Variants in STIM2 observed in about 807,000 individuals in gnomAD.
The protein encoded by STIM2 is stromal interaction molecule 2.
STIM2 carries 31 observed loss-of-function variants against 85.8 expected under a neutral mutation model. The ratio of observed to expected loss-of-function variants is 0.36; its 90% CI spans 0.27 to 0.49. STIM2 has a LOEUF of 0.49. Among genes scored for constraint, STIM2 ranks in the 20% least tolerant of loss-of-function variants. The pLI, the probability that STIM2 is intolerant of heterozygous loss-of-function variation, is 0.98. For synonymous variants in STIM2, 356 were observed against 331.1 expected, an observed-to-expected ratio of 1.08 and a Z score of -0.82; for missense variants, 841 against 927.6, an observed-to-expected ratio of 0.91 and a Z score of 1.21.
chr4:26,971,318 C>T (rs7678796), intron 3 of STIM2, among the ~76,000 whole-genome samples: 3,701 of 152,204 alleles, frequency 0.024, 140 homozygotes, highest in African/African-American at 0.078. Context: ...AGTCCTTGCC[C>T]GTGCCTATGT....
At chr4:27,013,408 A>G (rs914376996) in intron 10 of STIM2, among the ~76,000 whole-genome samples, 4 of 152,034 alleles carry the variant, frequency 2.6e-5, no homozygotes, top group South Asian at 2.1e-4. Context: ...CATAGTGTGT[A>G]TAGAGTTTGG....
At chr4:26,976,109 G>A (rs376114894) in intron 3 of STIM2, among the ~76,000 whole-genome samples, 5 of 152,198 alleles carry the variant, frequency 3.3e-5, no homozygotes, top group East Asian at 1.9e-4. Context: ...TGGGGAAAGC[G>A]CAGTATTTGG....
intron 1 of STIM2, among the ~76,000 whole-genome samples, chr4:26,876,579 G>C (rs1722824569): frequency 6.6e-6 from 1 of 152,144 alleles, no homozygotes; most frequent in Non-Finnish European, 1.5e-5. Context: ...TCACAAAGTG[G>C]AATTATCATC....
chr4:26,998,053 A>G (rs1294537002), intron 4 of STIM2, among the ~76,000 whole-genome samples: 1 of 152,228 alleles, frequency 6.6e-6, no homozygotes, highest in Non-Finnish European at 1.5e-5. Flanking sequence ...ACCTCTCACA[A>G]GTATCTTCAC....
chr4:27,000,756 TTA>T (rs1728124414), intron 5 of STIM2, among the ~76,000 whole-genome samples: 2 of 152,302 alleles, frequency 1.3e-5, no homozygotes, highest in African/African-American at 4.8e-5. Flanking sequence ...GTCAGAACAC[TTA>T]TGTTAGATTT....
At chr4:26,971,471 G>A (rs1726948615) in intron 3 of STIM2, among the ~76,000 whole-genome samples, 1 of 152,202 alleles carries the variant, frequency 6.6e-6, no homozygotes, top group African/African-American at 2.4e-5. Context: ...TAGCTAGCCA[G>A]TTTTCCCAGC....
chr4:26,898,984 C>CT (rs997643789), intron 1 of STIM2, among the ~76,000 whole-genome samples: 1 of 151,084 alleles, frequency 6.6e-6, no homozygotes, highest in Non-Finnish European at 1.5e-5. Flanking sequence ...CCTTGGATTT[C>CT]TTTTTTTTCC....
At chr4:26,949,770 C>G (rs984232937) in intron 2 of STIM2, among the ~76,000 whole-genome samples, 2 of 152,106 alleles carry the variant, frequency 1.3e-5, no homozygotes, top group Non-Finnish European at 2.9e-5. Flanking sequence ...CTCCTTGGCT[C>G]CTCCTCTTAT....
chr4:26,882,852 T>C (rs1297571296), intron 1 of STIM2, among the ~76,000 whole-genome samples: 1 of 151,230 alleles, frequency 6.6e-6, no homozygotes, highest in Non-Finnish European at 1.5e-5. Context: ...TTTTTTTTTT[T>C]ATTGAGATGG....
chr4:26,868,678 C>CT (rs1253667012), intron 1 of STIM2, among the ~76,000 whole-genome samples: 7 of 152,086 alleles, frequency 4.6e-5, no homozygotes, highest in East Asian at 1.9e-4. Flanking sequence ...CTATTACTGT[C>CT]TTTTTTTTCT....
intron 7 of STIM2, 89 bp from the exon 8 acceptor site, chr4:27,007,440 CTTTT>C (rs74272718): frequency 4.2e-6 from 3 of 707,048 alleles, no homozygotes; most frequent in Non-Finnish European, 6.1e-6. Context: ...ATTAAAATAG[CTTTT>C]TTTTTTTTTT....
At chr4:26,927,680 TAAAAAAAA>T (rs71186498) in intron 2 of STIM2, among the ~76,000 whole-genome samples, 16 of 23,454 alleles carry the variant, frequency 6.8e-4, no homozygotes, top group Non-Finnish European at 1.2e-3. Context: ...TAGAGTATAA[TAAAAAAAA>T]AAAAAAAAAA....
chr4:26,899,829 G>A (rs1342265771), intron 1 of STIM2, among the ~76,000 whole-genome samples: 4 of 152,054 alleles, frequency 2.6e-5, no homozygotes, highest in Non-Finnish European at 4.4e-5. Flanking sequence ...TTAGATTTGT[G>A]TTTTAAGCTT....
chr4:26,995,319 A>C, intron 3 of STIM2, 60 bp from the exon 4 acceptor site: 3 of 853,580 alleles, frequency 3.5e-6, no homozygotes, highest in Non-Finnish European at 5.4e-6. Flanking sequence ...GAAATTATAG[A>C]ATATGTATTT....
intron 2 of STIM2, among the ~76,000 whole-genome samples, chr4:26,938,262 A>T (rs552923061): frequency 2.6e-5 from 4 of 151,920 alleles, no homozygotes; most frequent in African/African-American, 9.7e-5. Context: ...TGTAAGGTAT[A>T]TGATATGGTG....
intron 3 of STIM2, among the ~76,000 whole-genome samples, chr4:26,962,606 G>A (rs1340911820): frequency 0.061 from 5,139 of 83,894 alleles, 48 homozygotes; most frequent in Non-Finnish European, 0.073. Flanking sequence ...GTGTGTATGT[G>A]TGTCTGTGTC....
intron 2 of STIM2, among the ~76,000 whole-genome samples, chr4:26,928,469 A>AT (rs1322795131): frequency 6.6e-6 from 1 of 152,182 alleles, no homozygotes; most frequent in Admixed American, 6.5e-5. Context: ...AATTGATTGC[A>AT]TTATAATTCT....
intron 2 of STIM2, among the ~76,000 whole-genome samples, chr4:26,928,202 C>T (rs1047924272): frequency 6.6e-6 from 1 of 152,106 alleles, no homozygotes; most frequent in African/African-American, 2.4e-5. Context: ...CCTATTACCT[C>T]CCAGAACCTC....
chr4:26,918,079 A>G (rs1724655472), intron 1 of STIM2, among the ~76,000 whole-genome samples: 1 of 152,084 alleles, frequency 6.6e-6, no homozygotes, highest in Non-Finnish European at 1.5e-5. Flanking sequence ...TGCATTTCCT[A>G]CTTTTATAGT....
Sources: allele counts gnomAD v4.1 joint callset (sites outside exome capture counted in the v4.1 genomes callset), GRCh38; gene constraint gnomAD v4.1.1; transcripts MANE v1.5; gene names NCBI Gene and HGNC (gene_info 2026-07-23, HGNC 2026-07-21).